SH3BGRL: variants seen among roughly 807,000 people sequenced by gnomAD.
SH3BGRL encodes adapter SH3BGRL.
In SH3BGRL, 7 loss-of-function variants were observed where a neutral mutation model predicts 9.8. The ratio of observed to expected loss-of-function variants is 0.72; its 90% confidence interval spans 0.41 to 1.35. The LOEUF (loss-of-function observed/expected upper bound fraction) is 1.35. Among genes scored for constraint, SH3BGRL ranks in the 40% most tolerant of loss-of-function variants. The probability of loss-of-function intolerance (pLI) is 0.01; values close to 1 mark genes in which losing one functional copy is unlikely to be tolerated. For missense variants in SH3BGRL, 73 were observed against 84.4 expected (o/e 0.86, Z 0.53); for synonymous variants, 36 against 29.1 (o/e 1.24, Z -0.76).
intron 1 of SH3BGRL, among the ~76,000 whole-genome samples, chrX:81,271,559 A>G (rs776795682): frequency 1.3e-4 from 15 of 111,917 alleles, no homozygotes; most frequent in Non-Finnish European, 1.9e-5. Context: ...GTTGGTAAAG[A>G]GAAATGAACA....
chrX:81,207,054 T>C (rs754465882), intron 1 of SH3BGRL, among the ~76,000 whole-genome samples: 5 of 112,332 alleles, frequency 4.5e-5, no homozygotes, highest in African/African-American at 6.5e-5. Flanking sequence ...TCAGAGCCTA[T>C]ATAAGTTAAT....
chrX:81,272,477 T>C, intron 1 of SH3BGRL, among the ~76,000 whole-genome samples: 1 of 109,053 alleles, frequency 9.2e-6, no homozygotes, highest in East Asian at 2.9e-4. Flanking sequence ...AAAGACAGGG[T>C]CATTACTTTT....
At chrX:81,239,308 C>G (rs917555395) in intron 1 of SH3BGRL, among the ~76,000 whole-genome samples, 1 of 111,786 alleles carries the variant, frequency 8.9e-6, no homozygotes, top group Non-Finnish European at 1.9e-5. Context: ...AGAATTCTAT[C>G]ATATAAATTT....
chrX:81,293,735 A>G (rs1485142307), intron 3 of SH3BGRL, among the ~76,000 whole-genome samples: 1 of 112,047 alleles, frequency 8.9e-6, no homozygotes, highest in African/African-American at 3.2e-5. Flanking sequence ...AGGTTGGAAC[A>G]GTTTGGAGGG....
At chrX:81,237,097 A>C in intron 1 of SH3BGRL, 1 of 910,788 alleles carries the variant, frequency 1.1e-6, no homozygotes, top group Non-Finnish European at 1.4e-6. Context: ...ATTGAATTAA[A>C]TTCTTACTTG....
At chrX:81,235,075 T>A (rs1239914413) in intron 1 of SH3BGRL, among the ~76,000 whole-genome samples, 2 of 111,845 alleles carry the variant, frequency 1.8e-5, no homozygotes, top group African/African-American at 6.5e-5. Context: ...TCTTTATCTG[T>A]CAAATGAAGA....
chrX:81,282,626 CTGAA>C (rs1318134612), intron 3 of SH3BGRL, among the ~76,000 whole-genome samples: 1 of 111,667 alleles, frequency 9.0e-6, no homozygotes, highest in Non-Finnish European at 1.9e-5. Context: ...ATTCTTTAAA[CTGAA>C]TGACAGTAAT....
chrX:81,219,978 A>G (rs1382036181), intron 1 of SH3BGRL, among the ~76,000 whole-genome samples: 1 of 111,628 alleles, frequency 9.0e-6, no homozygotes, highest in African/African-American at 3.2e-5. Flanking sequence ...CCACTTGGTC[A>G]TGATGAATGA....
intron 1 of SH3BGRL, among the ~76,000 whole-genome samples, chrX:81,243,692 C>T (rs1268779982): frequency 2.7e-5 from 3 of 110,223 alleles, no homozygotes; most frequent in Non-Finnish European, 3.8e-5. Context: ...AATATATATA[C>T]CAACTATGTG....
At position 81,297,219 on chromosome X, in the gene SH3BGRL, C is replaced by A; in HGVS notation, c.337C>A (p.Gln113Lys). The stretch of plus-strand genomic sequence containing the variant: ...GGAAGCAGAAGTGCAAGCAAAGCAG[C>A]AAGCATGAACCTTAAGCACTGTGCT... Reference protein sequence around the residue: ...SKEAEVQAKQQA With the variant: ...SKEAEVQAKQKA Residue 113 changes from glutamine (Q) to lysine (K), a missense_variant, in exon 4 of 4, where the codon CAA becomes AAA. By Grantham distance (53) the Gln-to-Lys change is moderately conservative. Transcript: ENST00000373212. 8.3e-7 allele frequency: 1 copy of A among 1,206,233 alleles called. No homozygotes were observed. The highest frequency in any genetic ancestry group is 1.8e-5 in the South Asian group (1 of 56,445).
chrX:81,223,720 C>T lies in SH3BGRL; in HGVS notation c.45+21475C>T, dbSNP rs186309351. 4.9e-4 allele frequency among the ~76,000 whole-genome samples: 54 copies of T among 110,012 alleles called. No individual in the cohort carries two copies. The East Asian group carries it at 8.3e-3, about 17-fold the overall frequency. On this transcript the variant is annotated intron_variant, in intron 1 of 3. Transcript: ENST00000373212. ...TGTTTTAAACTTTTTTTTTTCTTTG[C>T]GATAGGGTCACGCTCTGTGTTCCAG...
At position 81,264,375 on chromosome X, in the gene SH3BGRL, T is replaced by C. The variant is rs143167024; in HGVS notation, c.46-12609T>C. The stretch of plus-strand genomic sequence containing the variant: ...AGCTCTGTCTTACTGAGCAGGTTTC[T>C]TAACATCTCTGAGCCCCTGTTTCCT... On this transcript the variant is annotated intron_variant, in intron 1 of 3. Transcript: ENST00000373212. Among the ~76,000 whole-genome samples, 67 of 111,897 alleles carry C rather than the reference T, an allele frequency of 6.0e-4. No individual in the cohort carries two copies. In the East Asian group the frequency reaches 0.017, roughly 28 times the overall value.
chrX:81,211,922 C>T (rs1009085045), intron 1 of SH3BGRL, among the ~76,000 whole-genome samples: 10 of 111,322 alleles, frequency 9.0e-5, no homozygotes, highest in Non-Finnish European at 1.7e-4. Context: ...ACTTCTGCCC[C>T]TCTAAGAGAA....
chrX:81,271,060 T>A (rs1454051846), intron 1 of SH3BGRL, among the ~76,000 whole-genome samples: 1 of 112,275 alleles, frequency 8.9e-6, no homozygotes, highest in Non-Finnish European at 1.9e-5. Flanking sequence ...AAGCCAGGCA[T>A]GGGAGGGGAT....
chrX:81,276,099 TAA>T (rs1477217926), intron 1 of SH3BGRL, among the ~76,000 whole-genome samples: 1 of 111,038 alleles, frequency 9.0e-6, no homozygotes, highest in Non-Finnish European at 1.9e-5. Context: ...TCAGAAATGT[TAA>T]GTTATGGTTT....
intron 2 of SH3BGRL, among the ~76,000 whole-genome samples, chrX:81,277,612 T>C (rs958439746): frequency 3.6e-5 from 4 of 112,089 alleles, no homozygotes; most frequent in Admixed American, 9.5e-5. Context: ...ATCTAGTCTA[T>C]TGTAGGCTCT....
rs766419717 is a variant in SH3BGRL, at chrX:81,292,942, A to T, written c.313-4253A>T. Among the ~76,000 whole-genome samples, 9 of 112,102 alleles carry T rather than the reference A, an allele frequency of 8.0e-5. No homozygotes were observed. The South Asian group carries it at 3.4e-3, about 42-fold the overall frequency. ...GAACTAAAAAATATTGCAAAAAAAA[A>T]ATCTCATAATGTTTTAAGAAAGTTT... is the stretch of plus-strand genomic sequence containing the variant. On this transcript the variant is annotated intron_variant, in intron 3 of 3. Coordinates refer to ENST00000373212, the MANE Select transcript of SH3BGRL (RefSeq NM_003022.3).
At chrX:81,296,702 G>A (rs1398438044) in intron 3 of SH3BGRL, among the ~76,000 whole-genome samples, 1 of 111,633 alleles carries the variant, frequency 9.0e-6, no homozygotes, top group African/African-American at 3.3e-5. Flanking sequence ...CTATGCTAGA[G>A]GTGAGTACCT....
chrX:81,237,388 A>G (rs1021998746), intron 1 of SH3BGRL: 80 of 281,778 alleles, frequency 2.8e-4, no homozygotes, highest in African/African-American at 2.1e-3. Context: ...TCCCTCCCCG[A>G]CCAGCAGCAG....
Sources: allele counts gnomAD v4.1 joint callset (sites outside exome capture counted in the v4.1 genomes callset), GRCh38; gene constraint gnomAD v4.1.1; transcripts MANE v1.5; gene names NCBI Gene and HGNC (gene_info 2026-07-23, HGNC 2026-07-21).